Variants in STXBP6 observed in about 807,000 individuals in gnomAD.
STXBP6 encodes the protein syntaxin-binding protein 6.
Under a neutral mutation model 26.9 loss-of-function variants are expected in STXBP6, and 21 were observed. That is an observed-to-expected ratio of 0.78 (90% CI 0.55 to 1.12). The LOEUF is 1.12. STXBP6 is among the 50% of genes most tolerant of loss of function. The pLI is 0.00. For missense variants in STXBP6, 232 were observed against 257.9 expected, an observed-to-expected ratio of 0.90 and a Z score of 0.69; for synonymous variants, 97 against 92.6, an observed-to-expected ratio of 1.05 and a Z score of -0.27.
chr14:24,983,377 C>T (rs559005941), intron 1 of STXBP6, among the ~76,000 whole-genome samples: 1 of 152,262 alleles, frequency 6.6e-6, no homozygotes, highest in East Asian at 1.9e-4. Flanking sequence ...CTGGAAATAG[C>T]CAAATCTATT....
intron 1 of STXBP6, among the ~76,000 whole-genome samples, chr14:24,975,975 G>A (rs1480922046): frequency 1.3e-5 from 2 of 152,216 alleles, no homozygotes; most frequent in African/African-American, 4.8e-5. Context: ...GACATGCAGA[G>A]TATCAGAGAT....
At chr14:24,828,019 T>A (rs1255190501) in intron 4 of STXBP6, among the ~76,000 whole-genome samples, 2 of 150,656 alleles carry the variant, frequency 1.3e-5, no homozygotes, top group Admixed American at 1.3e-4. Context: ...TGTTCCGACA[T>A]CAGCAGTAGC....
chr14:24,974,898 A>T, intron 1 of STXBP6, 48 bp from the exon 2 acceptor site: 3 of 1,291,814 alleles, frequency 2.3e-6, no homozygotes, highest in Non-Finnish European at 3.1e-6. Flanking sequence ...CAACATTGTA[A>T]GGGTTCATAC....
intron 2 of STXBP6, among the ~76,000 whole-genome samples, chr14:24,963,333 G>A (rs1424890074): frequency 6.6e-6 from 1 of 152,182 alleles, no homozygotes; most frequent in Non-Finnish European, 1.5e-5. Flanking sequence ...GGATCTCAAG[G>A]AATGAAGGCC....
At chr14:24,975,262 TC>T (rs1400253132) in intron 1 of STXBP6, among the ~76,000 whole-genome samples, 1 of 152,196 alleles carries the variant, frequency 6.6e-6, no homozygotes, top group African/African-American at 2.4e-5. Context: ...GTCAAGAAAT[TC>T]TTTATGCCCC....
intron 2 of STXBP6, among the ~76,000 whole-genome samples, chr14:24,876,912 G>A (rs1456168765): frequency 2.0e-5 from 3 of 152,232 alleles, no homozygotes; most frequent in Non-Finnish European, 2.9e-5. Flanking sequence ...AGCTGAAGAT[G>A]TTAAGCCTGG....
rs558981013 is a variant in STXBP6, at chr14:24,956,578, C to T, written c.154+18087G>A. 9.2e-5 allele frequency among the ~76,000 whole-genome samples: 14 copies of T among 152,230 alleles called. No homozygotes were observed. The South Asian group carries it at 2.3e-3, about 25-fold the overall frequency. On this transcript the variant is annotated intron_variant, in intron 2 of 5. Transcript: ENST00000323944. ...ACTCAGCTTAAGCCATCCCCATGTA[C>T]GAACTTGTGAAAGCTGCCTGCTGCC...
chr14:25,017,216 C>T (rs2075168438), intron 1 of STXBP6, among the ~76,000 whole-genome samples: 2 of 152,210 alleles, frequency 1.3e-5, no homozygotes. Context: ...TCTCACTCCT[C>T]TACGGCCGCC....
At chr14:24,819,587 A>G in intron 4 of STXBP6, 1 of 425,578 alleles carries the variant, frequency 2.3e-6, no homozygotes, top group Non-Finnish European at 4.1e-6. Flanking sequence ...ACATATCTGG[A>G]TCTTATGTTA....
At chr14:25,004,864 GCA>G (rs1257671691) in intron 1 of STXBP6, among the ~76,000 whole-genome samples, 1 of 152,168 alleles carries the variant, frequency 6.6e-6, no homozygotes, top group Non-Finnish European at 1.5e-5. Flanking sequence ...GCAGTAACAA[GCA>G]CACACACAGC....
chr14:24,891,004 C>T (rs145258966), intron 2 of STXBP6, among the ~76,000 whole-genome samples: 1 of 152,172 alleles, frequency 6.6e-6, no homozygotes, highest in Admixed American at 6.5e-5. Context: ...CTATTTTGAC[C>T]TTTATCCTGA....
intron 4 of STXBP6, among the ~76,000 whole-genome samples, chr14:24,855,413 C>A (rs1268897990): frequency 6.6e-6 from 1 of 152,050 alleles, no homozygotes; most frequent in Non-Finnish European, 1.5e-5. Flanking sequence ...CCGATGCTGG[C>A]ACTCACCCCT....
intron 1 of STXBP6, among the ~76,000 whole-genome samples, chr14:25,023,673 G>A (rs2075298656): frequency 6.6e-6 from 1 of 152,112 alleles, no homozygotes; most frequent in Non-Finnish European, 1.5e-5. Flanking sequence ...AAATAAGCCA[G>A]GTATGGTGGC....
intron 4 of STXBP6, among the ~76,000 whole-genome samples, chr14:24,831,872 C>T (rs2068464610): frequency 6.6e-6 from 1 of 152,086 alleles, no homozygotes; most frequent in Non-Finnish European, 1.5e-5. Flanking sequence ...GGGTCAAGTT[C>T]CTCGACAGAA....
chr14:25,019,868 GTTT>G (rs35017131), intron 1 of STXBP6, among the ~76,000 whole-genome samples: 2 of 128,234 alleles, frequency 1.6e-5, no homozygotes, highest in Admixed American at 8.0e-5. Flanking sequence ...AGTTTCGTGG[GTTT>G]TTTTTTTTTT....
chr14:25,043,158 G>T (rs2075670120), intron 1 of STXBP6, among the ~76,000 whole-genome samples: 1 of 152,202 alleles, frequency 6.6e-6, no homozygotes, highest in African/African-American at 2.4e-5. Flanking sequence ...ACTCAGATAT[G>T]AAGATGACAA....
At chr14:24,986,663 C>A (rs2074340763) in intron 1 of STXBP6, among the ~76,000 whole-genome samples, 1 of 152,172 alleles carries the variant, frequency 6.6e-6, no homozygotes, top group African/African-American at 2.4e-5. Flanking sequence ...AAAACACCAC[C>A]AGGTGCCTGC....
intron 2 of STXBP6, among the ~76,000 whole-genome samples, chr14:24,890,314 G>C (rs564667625): frequency 6.6e-6 from 1 of 152,314 alleles, no homozygotes; most frequent in East Asian, 1.9e-4. Context: ...AGCCCCTGCA[G>C]TACACAAAGG....
chr14:24,843,172 G>A (rs371408739), intron 4 of STXBP6, among the ~76,000 whole-genome samples: 5 of 152,124 alleles, frequency 3.3e-5, no homozygotes, highest in African/African-American at 1.2e-4. Flanking sequence ...CAGGAATAAC[G>A]ATAACTACTT....
Sources: gnomAD v4.1 joint callset for allele counts (sites outside exome capture counted in the v4.1 genomes callset) on GRCh38, gnomAD v4.1.1 for gene constraint, MANE v1.5 for transcripts, NCBI Gene and HGNC (gene_info 2026-07-23, HGNC 2026-07-21) for gene names.